The following NKAIN2 variants were observed in gnomAD, a reference collection of about 807,000 sequenced individuals.
NKAIN2 encodes sodium/potassium transporting ATPase interacting 2.
NKAIN2 carries 14 observed loss-of-function variants against 32.6 expected under a neutral mutation model. The ratio of observed to expected loss-of-function variants is 0.43; its 90% CI spans 0.28 to 0.67. The LOEUF is 0.67. NKAIN2 is among the 30% of genes least tolerant of loss of function. NKAIN2 has a pLI of 0.17. For synonymous variants in NKAIN2, 80 were observed against 87.2 expected (o/e 0.92, Z 0.46); for missense variants, 198 against 258.3 (o/e 0.77, Z 1.60).
intron 3 of NKAIN2, among the ~76,000 whole-genome samples, chr6:124,508,274 A>G (rs1401939865): frequency 6.6e-6 from 1 of 152,004 alleles, no homozygotes; most frequent in Non-Finnish European, 1.5e-5. Flanking sequence ...TAAAAACCAA[A>G]AAACAAAAAA....
At chr6:124,070,934 G>T (rs955734761) in intron 1 of NKAIN2, among the ~76,000 whole-genome samples, 1 of 152,154 alleles carries the variant, frequency 6.6e-6, no homozygotes, top group Non-Finnish European at 1.5e-5. Flanking sequence ...AAACAGGTTG[G>T]AAGTGAATGC....
At chr6:124,221,551 TATA>T (rs1165047943) in intron 1 of NKAIN2, among the ~76,000 whole-genome samples, 2 of 151,806 alleles carry the variant, frequency 1.3e-5, no homozygotes, top group East Asian at 3.9e-4. Flanking sequence ...AAACTTAAAG[TATA>T]ATAATAAGAG....
At chr6:123,860,710 A>G (rs1268452526) in intron 1 of NKAIN2, among the ~76,000 whole-genome samples, 2 of 152,206 alleles carry the variant, frequency 1.3e-5, no homozygotes, top group East Asian at 1.9e-4. Context: ...ATGCGTGGCA[A>G]TAGTGTATAT....
At position 124,713,303 on chromosome 6, in the gene NKAIN2, A is replaced by G. The variant is rs117228117; in HGVS notation, c.474+54917A>G. On this transcript the variant is annotated intron_variant, in intron 4 of 6. Coordinates refer to ENST00000368417, the MANE Select transcript of NKAIN2 (RefSeq NM_001040214.3). ...CCATAAAATATTTTTCTTAATCACCATAATAAACCAGCAATAAGCATGGTT... is the reference window on the plus strand; with the variant it reads ...CCATAAAATATTTTTCTTAATCACCGTAATAAACCAGCAATAAGCATGGTT... 1.0e-3 allele frequency among the ~76,000 whole-genome samples: 159 copies of G among 152,312 alleles called. 6 individuals are homozygous for G. In the East Asian group the frequency reaches 0.027, roughly 26 times the overall value.
chr6:123,930,631 T>A (rs1776211729), intron 1 of NKAIN2, among the ~76,000 whole-genome samples: 1 of 152,204 alleles, frequency 6.6e-6, no homozygotes, highest in South Asian at 2.1e-4. Context: ...ATACACAATT[T>A]AATAGTATAA....
At chr6:123,991,591 G>A (rs1048011991) in intron 1 of NKAIN2, among the ~76,000 whole-genome samples, 3 of 152,216 alleles carry the variant, frequency 2.0e-5, no homozygotes, top group Non-Finnish European at 2.9e-5. Context: ...GGCTGGGCAC[G>A]GTGGCTCATG....
intron 1 of NKAIN2, among the ~76,000 whole-genome samples, chr6:124,005,623 A>G (rs1403707781): frequency 1.3e-5 from 2 of 152,186 alleles, no homozygotes; most frequent in Non-Finnish European, 2.9e-5. Flanking sequence ...GGCAATAACA[A>G]AGTTATTAAC....
intron 2 of NKAIN2, among the ~76,000 whole-genome samples, chr6:124,342,993 C>G (rs113760311): frequency 0.15 from 17,845 of 116,830 alleles, 1,669 homozygotes; most frequent in Middle Eastern, 0.28. Flanking sequence ...CCCCCCACCC[C>G]ACAACAGTCC....
intron 1 of NKAIN2, among the ~76,000 whole-genome samples, chr6:123,942,954 CTG>C (rs1003755722): frequency 2.0e-5 from 3 of 151,930 alleles, no homozygotes; most frequent in African/African-American, 7.2e-5. Context: ...GTTTTAGCTG[CTG>C]TGTTATAAGC....
chr6:124,174,082 G>T (rs562313375), intron 1 of NKAIN2, among the ~76,000 whole-genome samples: 32 of 152,166 alleles, frequency 2.1e-4, no homozygotes, highest in Admixed American at 5.9e-4. Flanking sequence ...TGATATCATT[G>T]CAGTCAATAT....
At chr6:123,930,751 G>A (rs1450195655) in intron 1 of NKAIN2, among the ~76,000 whole-genome samples, 1 of 152,110 alleles carries the variant, frequency 6.6e-6, no homozygotes, top group African/African-American at 2.4e-5. Context: ...AGACTACTTT[G>A]CAGACATTTA....
At chr6:123,895,916 C>T (rs1774258011) in intron 1 of NKAIN2, among the ~76,000 whole-genome samples, 1 of 152,140 alleles carries the variant, frequency 6.6e-6, no homozygotes, top group Non-Finnish European at 1.5e-5. Flanking sequence ...GGCAGCTGTT[C>T]ACAATTTTTT....
intron 3 of NKAIN2, among the ~76,000 whole-genome samples, chr6:124,439,813 A>C (rs1775614559): frequency 6.6e-6 from 1 of 151,998 alleles, no homozygotes; most frequent in South Asian, 2.1e-4. Context: ...ACATGATGAG[A>C]AAATATGATA....
intron 4 of NKAIN2, among the ~76,000 whole-genome samples, chr6:124,712,172 C>T (rs558521609): frequency 7.3e-5 from 11 of 150,984 alleles, no homozygotes; most frequent in South Asian, 2.1e-4. Flanking sequence ...GCAGTCTGCC[C>T]GTTCTCAGAT....
chr6:124,355,986 A>G (rs970696693), intron 3 of NKAIN2, among the ~76,000 whole-genome samples: 3 of 152,190 alleles, frequency 2.0e-5, no homozygotes, highest in Admixed American at 2.0e-4. Flanking sequence ...TTAGAATGCA[A>G]TTAACAGCAA....
chr6:123,884,085 GT>G (rs756225389), intron 1 of NKAIN2, among the ~76,000 whole-genome samples: 40 of 151,846 alleles, frequency 2.6e-4, no homozygotes, highest in Non-Finnish European at 5.3e-4. Flanking sequence ...CCCATTAGGT[GT>G]TTTTCCTGAT....
chr6:124,289,120 A>G (rs1255360784), intron 2 of NKAIN2, among the ~76,000 whole-genome samples: 1 of 152,208 alleles, frequency 6.6e-6, no homozygotes, highest in Non-Finnish European at 1.5e-5. Context: ...AGACTGTCAT[A>G]ATAACCCTGC....
intron 5 of NKAIN2, among the ~76,000 whole-genome samples, chr6:124,817,290 T>C (rs547053714): frequency 6.6e-6 from 1 of 152,298 alleles, no homozygotes; most frequent in East Asian, 1.9e-4. Context: ...GTGTATTTTA[T>C]GTGTGACCCA....
intron 1 of NKAIN2, among the ~76,000 whole-genome samples, chr6:124,114,647 A>T (rs998834225): frequency 3.3e-5 from 5 of 152,236 alleles, no homozygotes; most frequent in Non-Finnish European, 7.4e-5. Context: ...TGGACCCATT[A>T]AAAGAAACCA....
Sources: allele counts gnomAD v4.1 joint callset (sites outside exome capture counted in the v4.1 genomes callset), GRCh38; gene constraint gnomAD v4.1.1; transcripts MANE v1.5; gene names NCBI Gene and HGNC (gene_info 2026-07-23, HGNC 2026-07-21).